The following PLEKHH2 variants were observed in gnomAD, a reference collection of about 807,000 sequenced individuals.
The protein encoded by PLEKHH2 is pleckstrin homology, MyTH4 and FERM domain containing H2, also known as pleckstrin homology domain-containing family H member 2.
Under a neutral mutation model 187.9 loss-of-function variants are expected in PLEKHH2, and 129 were observed. The ratio of observed to expected loss-of-function variants is 0.69; its 90% CI spans 0.59 to 0.79. The LOEUF is 0.79. PLEKHH2 is among the 30% of genes least tolerant of loss of function. The pLI is 0.00. For synonymous variants in PLEKHH2, 686 were observed against 605.6 expected, an observed-to-expected ratio of 1.13 and a Z score of -1.95; for missense variants, 2,076 against 1,751.2, an observed-to-expected ratio of 1.19 and a Z score of -3.31.
Position 43,652,841 on chromosome 2 carries a change from C to G in PLEKHH2, c.123+8045C>G, listed in dbSNP as rs117781674. On this transcript the variant is annotated intron_variant, in intron 2 of 29. Coordinates refer to ENST00000282406, the MANE Select transcript of PLEKHH2 (RefSeq NM_172069.4). ...GGAAAAGTAAGCAAAACAAAATGAG[C>G]AAAACTCTATCATTTAATATTCTCA... 2.0e-4 allele frequency among the ~76,000 whole-genome samples: 31 copies of G among 152,180 alleles called. No homozygotes were observed. The East Asian group carries it at 6.0e-3, about 29-fold the overall frequency.
At position 43,710,561 on chromosome 2, in the gene PLEKHH2, A is replaced by C. The variant is rs369413453; in HGVS notation, c.2287A>C (p.Lys763Gln). 1.6e-5 allele frequency: 25 copies of C among 1,594,056 alleles called. No individual in the cohort carries two copies. The highest frequency in any genetic ancestry group is 2.0e-5 in the Non-Finnish European group (24 of 1,175,340). ...ASCSILRGDN[K>Q]QTVQLTTEKH... ...CTGTAGTATTTTAAGAGGAGATAAC[A>C]AACAAACAGTTCAGGTACTTAACTT... is the stretch of plus-strand genomic sequence containing the variant. Residue 763 changes from lysine to glutamine, a missense_variant, in exon 14 of 30, where the codon AAA becomes CAA. Physicochemically the swap from Lys to Gln is moderately conservative, Grantham distance 53. Transcript: ENST00000282406.
Position 43,762,380 on chromosome 2 carries a change from A to G in PLEKHH2, c.4148A>G (p.Tyr1383Cys), listed in dbSNP as rs766033106. Residue 1383 changes from tyrosine (Y) to cysteine (C), a missense_variant, in exon 28 of 30, where the codon TAC becomes TGC. Physicochemically the swap from Tyr to Cys is radical, Grantham distance 194. Coordinates refer to ENST00000282406, the MANE Select transcript of PLEKHH2 (RefSeq NM_172069.4). ...GAGGATGGTTTAAGCCTCTTAGAATACAACTCCATGGTAAGTTTAAACGCT... is the reference window on the plus strand; with the variant it reads ...GAGGATGGTTTAAGCCTCTTAGAATGCAACTCCATGGTAAGTTTAAACGCT... ...VHEDGLSLLEYNSMRLIVSYV... is the reference protein window; with the variant it reads ...VHEDGLSLLECNSMRLIVSYV... 2 of 1,607,680 alleles carry G rather than the reference A, an allele frequency of 1.2e-6. No homozygotes were observed. The highest frequency in any genetic ancestry group is 1.1e-5 in the South Asian group (1 of 90,916).
At chr2:43,737,913 G>C (rs889733294) in intron 19 of PLEKHH2, among the ~76,000 whole-genome samples, 1 of 152,196 alleles carries the variant, frequency 6.6e-6, no homozygotes, top group East Asian at 1.9e-4. Context: ...ACATGTTCAG[G>C]AAGGTAAAGG....
rs773257320 is a variant in PLEKHH2 at position 43,699,755 on chromosome 2, G to A, written c.797G>A (p.Arg266Lys). 1 of 1,614,168 alleles carries A rather than the reference G, an allele frequency of 6.2e-7. No individual in the cohort carries two copies. Among genetic ancestry groups the A allele is most frequent in the South Asian group, 1.1e-5 (1 of 91,052 alleles). The change falls in exon 8 of 30, where the codon AGA becomes AAA. Residue 266 changes from arginine to lysine, a missense_variant. Physicochemically the swap from Arg to Lys is conservative, Grantham distance 26 (BLOSUM62 2). Transcript: ENST00000282406. ...GGCTCAGAACAGAATCGGAAAACAA[G>A]AACAAGCTTTGCCACAGATGGTGGC... ...PCGSEQNRKT[R>K]TSFATDGGIS...
At chr2:43,748,611 A>G (rs1424090748) in intron 24 of PLEKHH2, among the ~76,000 whole-genome samples, 1 of 152,250 alleles carries the variant, frequency 6.6e-6, no homozygotes, top group Non-Finnish European at 1.5e-5. Flanking sequence ...ACAGCTCTCC[A>G]GATAATTCTT....
chr2:43,686,145 CT>C (rs1440166604), intron 3 of PLEKHH2, among the ~76,000 whole-genome samples: 2 of 151,414 alleles, frequency 1.3e-5, no homozygotes, highest in Non-Finnish European at 2.9e-5. Context: ...CCTTCTTTTT[CT>C]TCTTCCTTCT....
At chr2:43,672,761 C>A (rs1667551742) in intron 2 of PLEKHH2, among the ~76,000 whole-genome samples, 1 of 152,044 alleles carries the variant, frequency 6.6e-6, no homozygotes, top group Non-Finnish European at 1.5e-5. Context: ...TTTTTTTCCT[C>A]CCTGCCATTA....
intron 2 of PLEKHH2, among the ~76,000 whole-genome samples, chr2:43,652,953 A>G (rs1666560391): frequency 6.6e-6 from 1 of 152,166 alleles, no homozygotes; most frequent in African/African-American, 2.4e-5. Context: ...AACATGGTAG[A>G]AAAAATGGCA....
chr2:43,744,811 T>C (rs1437569334), intron 23 of PLEKHH2, among the ~76,000 whole-genome samples: 1 of 140,270 alleles, frequency 7.1e-6, no homozygotes, highest in Non-Finnish European at 1.5e-5. Flanking sequence ...GAGGCTGCAG[T>C]GAGCCGTGAT....
chr2:43,649,497 G>GA (rs552185253), intron 2 of PLEKHH2, among the ~76,000 whole-genome samples: 92 of 152,306 alleles, frequency 6.0e-4, no homozygotes, highest in African/African-American at 2.1e-3. Flanking sequence ...TGATCCCCTT[G>GA]AAGCAGACTT....
chr2:43,697,366 A>AATC lies in PLEKHH2; in HGVS notation c.688+11_688+12insTCA. On this transcript the variant is annotated intron_variant, in intron 7 of 29. Transcript: ENST00000282406. ...GGAAAAGACATGGAAGGTATTTATG[A>AATC]ACTACAGGAATTGACTTTGGCATTT... is the stretch of plus-strand genomic sequence containing the variant. 1 of 1,593,916 alleles carries AATC rather than the reference A, an allele frequency of 6.3e-7. No individual in the cohort carries two copies.
intron 2 of PLEKHH2, among the ~76,000 whole-genome samples, chr2:43,671,569 T>C (rs760853398): frequency 1.3e-5 from 2 of 152,196 alleles, no homozygotes; most frequent in East Asian, 3.8e-4. Flanking sequence ...GGCTTTCCCA[T>C]TGAGTATGAT....
At chr2:43,744,798 G>T (rs1462365743) in intron 23 of PLEKHH2, among the ~76,000 whole-genome samples, 5 of 150,342 alleles carry the variant, frequency 3.3e-5, no homozygotes, top group Non-Finnish European at 5.9e-5. Flanking sequence ...AGCCCATGAG[G>T]TCGAGGCTGC....
intron 18 of PLEKHH2, among the ~76,000 whole-genome samples, chr2:43,730,191 G>A (rs1017719301): frequency 6.6e-5 from 10 of 152,132 alleles, no homozygotes; most frequent in African/African-American, 2.2e-4. Context: ...GGTGGCCTGT[G>A]GCCCCAGATG....
intron 9 of PLEKHH2, 101 bp from the exon 10 acceptor site, chr2:43,706,221 G>T: frequency 1.2e-6 from 1 of 828,958 alleles, no homozygotes; most frequent in South Asian, 1.4e-5. Context: ...TAATCGAATT[G>T]CTTTTTAAAT....
chr2:43,710,102 A>G lies in PLEKHH2; in HGVS notation c.2079A>G (p.Ser693=). ...QPEQKLPKTC[S]SSSDNGKNEP... ...AGCAGAAGCTCCCAAAAACTTGCTC[A>G]TCTTCCAGTGATAATGGGAAAAATG... Residue 693 remains serine, a synonymous_variant, in exon 12 of 30, where the codon TCA becomes TCG. Transcript: ENST00000282406. The G allele has an allele frequency of 6.2e-7, 1 of 1,613,136 alleles. No homozygotes were observed. Among genetic ancestry groups the G allele is most frequent in the Non-Finnish European group, 8.5e-7 (1 of 1,179,766 alleles).
chr2:43,638,309 C>G (rs1182680171), intron 1 of PLEKHH2, among the ~76,000 whole-genome samples: 1 of 151,978 alleles, frequency 6.6e-6, no homozygotes, highest in Non-Finnish European at 1.5e-5. Flanking sequence ...GATTACCCAG[C>G]CCAGTTAAGC....
At chr2:43,696,487 C>CA (rs11380251) in intron 6 of PLEKHH2, among the ~76,000 whole-genome samples, 57,233 of 112,448 alleles carry the variant, frequency 0.51, 12,626 homozygotes, top group Non-Finnish European at 0.56. Context: ...CACCCTGTCT[C>CA]AAAAAAAAAA....
intron 14 of PLEKHH2, 136 bp downstream of exon 14, chr2:43,710,711 G>C (rs1302961982): frequency 1.4e-6 from 2 of 1,439,406 alleles, no homozygotes; most frequent in Non-Finnish European, 1.8e-6. Flanking sequence ...TGATGCCTTG[G>C]AAGTATGTGA....
Sources: allele counts gnomAD v4.1 joint callset (sites outside exome capture counted in the v4.1 genomes callset), GRCh38; gene constraint gnomAD v4.1.1; transcripts MANE v1.5; gene names NCBI Gene and HGNC (gene_info 2026-07-23, HGNC 2026-07-21).